The following STEAP3 variants were observed in gnomAD, a reference collection of about 807,000 sequenced individuals.
STEAP3 encodes metalloreductase STEAP3.
A neutral mutation model predicts 34.9 loss-of-function variants in STEAP3; 35 were observed. The ratio of observed to expected loss-of-function variants is 1.00; its 90% confidence interval spans 0.76 to 1.33. The LOEUF is 1.33. Among genes scored for constraint, STEAP3 ranks in the 40% most tolerant of loss-of-function variants. The probability of loss-of-function intolerance (pLI) is 0.00; values close to 1 mark genes in which losing one functional copy is unlikely to be tolerated. For missense variants in STEAP3, 652 were observed against 667.6 expected (o/e 0.98, Z 0.26); for synonymous variants, 281 against 301.6 (o/e 0.93, Z 0.71).
chr2:119,252,826 C>T (rs536013382), intron 4 of STEAP3, among the ~76,000 whole-genome samples: 1 of 152,064 alleles, frequency 6.6e-6, no homozygotes, highest in Non-Finnish European at 1.5e-5. Flanking sequence ...CCCTTCCCAG[C>T]GTCACTGCAG....
chr2:119,243,639 C>G (rs1452256299), intron 2 of STEAP3, among the ~76,000 whole-genome samples: 1 of 152,222 alleles, frequency 6.6e-6, no homozygotes, highest in Admixed American at 6.5e-5. Context: ...GCTGCTGCTG[C>G]TGCTGCCTTA....
intron 2 of STEAP3, among the ~76,000 whole-genome samples, chr2:119,238,710 C>T (rs1335036985): frequency 1.3e-5 from 2 of 152,198 alleles, no homozygotes; most frequent in Non-Finnish European, 2.9e-5. Context: ...AGAGAAGAGG[C>T]AGAGCTTACA....
At chr2:119,232,952 C>T (rs1297759273) in intron 2 of STEAP3, among the ~76,000 whole-genome samples, 1 of 152,174 alleles carries the variant, frequency 6.6e-6, no homozygotes, top group Non-Finnish European at 1.5e-5. Flanking sequence ...TTGCTACTTG[C>T]GGGGAAGGCA....
intron 4 of STEAP3, 139 bp downstream of exon 4, chr2:119,248,345 G>A: frequency 2.1e-6 from 2 of 965,230 alleles, no homozygotes; most frequent in Non-Finnish European, 3.0e-6. Context: ...GTTCCAATGG[G>A]GCAGCACCCA....
At chr2:119,243,039 A>T (rs1292936578) in intron 2 of STEAP3, among the ~76,000 whole-genome samples, 1 of 152,104 alleles carries the variant, frequency 6.6e-6, no homozygotes, top group Admixed American at 6.6e-5. Flanking sequence ...GCCTGGCGTG[A>T]GTGTCTTGGC....
At chr2:119,250,365 A>G (rs1258219395) in intron 4 of STEAP3, among the ~76,000 whole-genome samples, 1 of 152,200 alleles carries the variant, frequency 6.6e-6, no homozygotes, top group Non-Finnish European at 1.5e-5. Context: ...TGGAACAAAG[A>G]TCTTGACCTT....
At chr2:119,224,919 T>C (rs908100704) in intron 1 of STEAP3, among the ~76,000 whole-genome samples, 1 of 152,242 alleles carries the variant, frequency 6.6e-6, no homozygotes, top group African/African-American at 2.4e-5. Flanking sequence ...AGAGTCCACG[T>C]ATTTTGCAAG....
At chr2:119,237,108 A>G (rs838093) in intron 2 of STEAP3, among the ~76,000 whole-genome samples, 81,826 of 152,060 alleles carry the variant, frequency 0.54, 22,374 homozygotes, top group African/African-American at 0.58. Flanking sequence ...GAATACCTGA[A>G]GCTGGGGAAT....
At chr2:119,226,856 CT>C (rs1679056255) in intron 1 of STEAP3, among the ~76,000 whole-genome samples, 1 of 152,178 alleles carries the variant, frequency 6.6e-6, no homozygotes, top group Non-Finnish European at 1.5e-5. Context: ...CCTGGAGACT[CT>C]TAGGAGGTCG....
At chr2:119,224,428 C>G (rs1454530335) in intron 1 of STEAP3, among the ~76,000 whole-genome samples, 1 of 152,208 alleles carries the variant, frequency 6.6e-6, no homozygotes, top group Non-Finnish European at 1.5e-5. Context: ...CACCAGTGCC[C>G]GCCTCTGCCC....
Position 119,248,179 on chromosome 2 carries a change from C to T in STEAP3, c.1023C>T (p.Tyr341=), listed in dbSNP as rs372138614. Residue 341 remains tyrosine (Y), a synonymous_variant, in exon 4 of 6, where the codon TAC becomes TAT. Transcript: ENST00000393110. Reference sequence around the variant, plus strand: ...TGCCGCTGCGCCGCGCCCACCGCTACGACCTGGTCAACCTGGCAGTCAAGC... The same window carrying T: ...TGCCGCTGCGCCGCGCCCACCGCTATGACCTGGTCAACCTGGCAGTCAAGC... ...FCLPLRRAHR[Y]DLVNLAVKQV... 1.2e-4 allele frequency: 191 copies of T among 1,595,408 alleles called. 1 individual carries two copies. Among genetic ancestry groups the T allele is most frequent in the South Asian group, 8.6e-4 (78 of 90,194 alleles).
chr2:119,245,119 TGA>T, intron 2 of STEAP3: 5 of 226,970 alleles, frequency 2.2e-5, no homozygotes, highest in East Asian at 9.2e-5. Context: ...TCCTGGCTAG[TGA>T]CACTGTCCAT....
At chr2:119,236,472 A>G (rs1677096870) in intron 2 of STEAP3, among the ~76,000 whole-genome samples, 1 of 152,134 alleles carries the variant, frequency 6.6e-6, no homozygotes, top group South Asian at 2.1e-4. Flanking sequence ...TCCTGAATAA[A>G]TCCAGAGTGT....
chr2:119,244,690 T>G (rs1387808804), intron 2 of STEAP3: 1 of 152,128 alleles, frequency 6.6e-6, no homozygotes, highest in Non-Finnish European at 1.5e-5. Flanking sequence ...TAGAAGTTGG[T>G]GACAATTAAT....
chr2:119,257,321 G>C (rs1677802100), intron 5 of STEAP3: 4 of 1,155,466 alleles, frequency 3.5e-6, no homozygotes, highest in Non-Finnish European at 4.5e-6. Flanking sequence ...TGTCAAATAG[G>C]CTGAAGCCAG....
rs923361173 is a variant in STEAP3, at chr2:119,230,838, G to C, written c.-175G>C. The C allele has an allele frequency of 1.2e-5, 9 of 770,116 alleles. No individual in the cohort carries two copies. Among genetic ancestry groups the C allele is most frequent in the Non-Finnish European group, 2.0e-5 (9 of 458,814 alleles). The allele number at this position is 770,116 out of a possible 1,614,324, so 47.7% of individuals were successfully genotyped here. A position where few individuals can be genotyped will look rare whatever the true frequency, so the allele number is the denominator to read the frequency against. ...CCCTGTGGCCAAGAGCTGGCGTGCA[G>C]GCTGCGGGAGGCAGCTGGCTGTGCA... On this transcript the variant is annotated 5_prime_UTR_variant, in exon 2 of 6. Coordinates refer to ENST00000393110, the MANE Select transcript of STEAP3 (RefSeq NM_182915.3).
In STEAP3 at chr2:119,247,921, C is replaced by T; in HGVS notation, c.765C>T (p.Asn255=). 1 of 1,613,864 alleles carries T rather than the reference C, an allele frequency of 6.2e-7. No individual in the cohort carries two copies. The highest frequency in any genetic ancestry group is 1.1e-5 in the South Asian group (1 of 91,088). The change falls in exon 4 of 6, where the codon AAC becomes AAT. Residue 255 remains asparagine, a synonymous_variant. Coordinates refer to ENST00000393110, the MANE Select transcript of STEAP3 (RefSeq NM_182915.3). ...VLQPYVQESQ[N]KFFKLPVSVV... ...AGCCCTATGTGCAGGAAAGCCAGAA[C>T]AAGTTCTTCAAGCTGCCCGTGTCCG...
chr2:119,250,685 C>T (rs1255183615), intron 4 of STEAP3, among the ~76,000 whole-genome samples: 1 of 152,154 alleles, frequency 6.6e-6, no homozygotes, highest in Non-Finnish European at 1.5e-5. Context: ...CTGCTCCCTC[C>T]CTCCCCTGCC....
Position 119,258,445 on chromosome 2 carries a change from T to C in STEAP3, c.1215+3597T>C, listed in dbSNP as rs542357139. Among the ~76,000 whole-genome samples, 338 of 152,238 alleles carry C rather than the reference T, an allele frequency of 2.2e-3. 2 individuals are homozygous for C. Among genetic ancestry groups the C allele is most frequent in the African/African-American group, 7.8e-3 (326 of 41,544 alleles). On this transcript the variant is annotated intron_variant, in intron 5 of 5. Coordinates refer to ENST00000393110, the MANE Select transcript of STEAP3 (RefSeq NM_182915.3). ...CCCAGCCCCCCATTCAGGTGAAGTC[T>C]CTCTGGTTTGAACACCTCAGACACT...
Sources: allele counts gnomAD v4.1 joint callset (sites outside exome capture counted in the v4.1 genomes callset), GRCh38; gene constraint gnomAD v4.1.1; transcripts MANE v1.5; gene names NCBI Gene and HGNC (gene_info 2026-07-23, HGNC 2026-07-21).